The following GMPS variants were observed in gnomAD, a reference collection of about 807,000 sequenced individuals.
GMPS encodes the protein guanosine monophosphate synthase.
Under a neutral mutation model 77.9 loss-of-function variants are expected in GMPS, and 15 were observed. The observed-to-expected ratio is 0.19, with a 90% CI of 0.13 to 0.30. The LOEUF is 0.30. Among genes scored for constraint, GMPS ranks in the 10% least tolerant of loss-of-function variants. The pLI is 1.00. For missense variants in GMPS, 590 were observed against 838.8 expected (o/e 0.70, Z 3.66); for synonymous variants, 224 against 275.9 (o/e 0.81, Z 1.86).
chr3:155,935,764 G>A (rs894355841), intron 14 of GMPS, among the ~76,000 whole-genome samples: 2 of 152,292 alleles, frequency 1.3e-5, no homozygotes, highest in Non-Finnish European at 2.9e-5. Context: ...TTGAAGTGCT[G>A]TCTGGGTTCC....
Position 155,916,108 on chromosome 3 carries a change from T to A in GMPS, c.1128T>A (p.Ser376Arg). ...CTTTACGGCCTGATCTAATTGAAAG[T>A]GCATCCCTTGTTGCAAGTGGCAAAG... is the stretch of plus-strand genomic sequence containing the variant. Reference protein sequence around the residue: ...QGTLRPDLIESASLVASGKAE... With the variant: ...QGTLRPDLIERASLVASGKAE... Residue 376 changes from serine (S) to arginine (R), a missense_variant, in exon 9 of 16, where the codon AGT (serine) becomes AGA (arginine). Transcript: ENST00000496455. 6.2e-7 allele frequency: 1 copy of A among 1,613,038 alleles called. No individual in the cohort carries two copies. The highest frequency in any genetic ancestry group is 8.5e-7 in the Non-Finnish European group (1 of 1,179,012).
rs1281875761 is a variant in GMPS, at chr3:155,870,732, G to T, written c.-139G>T. The stretch of plus-strand genomic sequence containing the variant: ...TTGCTCCATTCGGCGCTTTTCTGGC[G>T]GCTGGCTCCTCTCCGCTGCCGGCTG... On this transcript the variant is annotated 5_prime_UTR_variant, in exon 1 of 16. Coordinates refer to ENST00000496455, the MANE Select transcript of GMPS (RefSeq NM_003875.3). The T allele has an allele frequency of 3.4e-6, 2 of 594,544 alleles. No homozygotes were observed. Among genetic ancestry groups the T allele is most frequent in the Non-Finnish European group, 2.9e-6 (1 of 339,106 alleles). The allele number at this position is 594,544 out of a possible 1,614,324, so 36.8% of individuals were successfully genotyped here.
chr3:155,943,034 C>G lies in GMPS; in HGVS notation c.*5342C>G, dbSNP rs1560058640. On this transcript the variant is annotated 3_prime_UTR_variant, in exon 16 of 16. Transcript: ENST00000496455. ...TCTCTTGAGGTCAGGAGTTTGAGAC[C>G]AGCGTGGCCAACATGGTGAAACCCC... The G allele has an allele frequency of 1.7e-5, 3 of 177,552 alleles. No individual in the cohort carries two copies. The highest frequency in any genetic ancestry group is 3.6e-5 in the Non-Finnish European group (3 of 82,810). 11.0% of individuals were successfully genotyped at this position (177,552 alleles called of 1,614,324 possible). A position where few individuals can be genotyped will look rare whatever the true frequency, so the allele number is the denominator to read the frequency against.
intron 3 of GMPS, among the ~76,000 whole-genome samples, chr3:155,901,385 G>A (rs1227902061): frequency 6.6e-6 from 1 of 151,978 alleles, no homozygotes; most frequent in African/African-American, 2.4e-5. Context: ...AATATAGCAT[G>A]TTACTTTTAC....
rs1755770992 is a variant in GMPS, at chr3:155,936,590, C to T, written c.1980+80C>T. The T allele has an allele frequency of 6.3e-6, 5 of 797,372 alleles. No homozygotes were observed. The South Asian group carries it at 6.9e-5, about 11-fold the overall frequency. 49.4% of individuals were successfully genotyped at this position (797,372 alleles called of 1,614,324 possible). A position where few individuals can be genotyped will look rare whatever the true frequency, so the allele number is the denominator to read the frequency against. ...ATATGGTGAATGGAATAGGCTATGC[C>T]AGTGCTGTATTTCTTATGTTGGTTT... On this transcript the variant is annotated intron_variant, in intron 15 of 15. Coordinates refer to ENST00000496455, the MANE Select transcript of GMPS (RefSeq NM_003875.3).
chr3:155,924,534 C>T (rs918162126), intron 11 of GMPS, among the ~76,000 whole-genome samples: 2 of 151,770 alleles, frequency 1.3e-5, no homozygotes, highest in Admixed American at 6.6e-5. Context: ...ACAACTACTG[C>T]AAGAATAGAA....
At chr3:155,931,723 C>T (rs770011845) in intron 12 of GMPS, 42 bp from the exon 13 acceptor site, 38 of 667,750 alleles carry the variant, frequency 5.7e-5, no homozygotes, top group East Asian at 1.4e-4. Flanking sequence ...ACTGGTGTAT[C>T]TTTTGACTAT....
chr3:155,936,261 C>A, intron 14 of GMPS, 77 bp from the exon 15 acceptor site: 1 of 873,536 alleles, frequency 1.1e-6, no homozygotes, highest in Non-Finnish European at 1.9e-6. Flanking sequence ...CAGATATTGC[C>A]TGGGAGGATT....
At chr3:155,870,571 A>T (rs950389222), upstream of GMPS, 2 of 331,176 alleles carry the variant, frequency 6.0e-6, no homozygotes, top group Admixed American at 1.0e-4. Context: ...TGCGGAGGGT[A>T]TCTGAGGCTC....
intron 1 of GMPS, among the ~76,000 whole-genome samples, chr3:155,893,098 A>G (rs984928124): frequency 4.6e-5 from 7 of 152,226 alleles, no homozygotes; most frequent in East Asian, 1.9e-4. Flanking sequence ...TGTTGTGCCT[A>G]TTGATAGGGT....
At chr3:155,916,401 C>A (rs1194684587) in intron 9 of GMPS, among the ~76,000 whole-genome samples, 2 of 152,184 alleles carry the variant, frequency 1.3e-5, no homozygotes, top group Admixed American at 6.5e-5. Flanking sequence ...GCCCCCACCC[C>A]CCAGCTCCTC....
At chr3:155,933,474 A>C (rs1374374183) in intron 13 of GMPS, among the ~76,000 whole-genome samples, 1 of 152,188 alleles carries the variant, frequency 6.6e-6, no homozygotes, top group African/African-American at 2.4e-5. Flanking sequence ...TTTCTCCTGT[A>C]AAGATCTTTT....
At position 155,937,956 on chromosome 3, in the gene GMPS, A is replaced by G. The variant is rs992937135; in HGVS notation, c.*264A>G. 1 of 357,034 alleles carries G rather than the reference A, an allele frequency of 2.8e-6. No individual in the cohort carries two copies. The highest frequency in any genetic ancestry group is 5.1e-6 in the Non-Finnish European group (1 of 197,588). 22.1% of individuals were successfully genotyped at this position (357,034 alleles called of 1,614,324 possible). ...TTTGCCTTTGCCTCACTTATTCTTT[A>G]TGTATAAATTCACTGTTGATGTCTC... On this transcript the variant is annotated 3_prime_UTR_variant, in exon 16 of 16. Coordinates refer to ENST00000496455, the MANE Select transcript of GMPS (RefSeq NM_003875.3).
intron 1 of GMPS, among the ~76,000 whole-genome samples, chr3:155,874,365 A>G (rs968845638): frequency 2.0e-5 from 3 of 152,188 alleles, no homozygotes; most frequent in Admixed American, 6.5e-5. Context: ...ATTGCATGTG[A>G]TACAGAATCT....
chr3:155,893,106 G>T (rs1316156243), intron 1 of GMPS, among the ~76,000 whole-genome samples: 1 of 152,122 alleles, frequency 6.6e-6, no homozygotes, highest in African/African-American at 2.4e-5. Flanking sequence ...CTATTGATAG[G>T]GTGACCGAAT....
rs376309353 is a variant in GMPS at position 155,886,431 on chromosome 3, C to T, written c.28-7087C>T. 5.2e-4 allele frequency among the ~76,000 whole-genome samples: 79 copies of T among 151,114 alleles called. 4 individuals carry two copies. Among genetic ancestry groups the T allele is most frequent in the African/African-American group, 1.8e-3 (76 of 41,202 alleles). On this transcript the variant is annotated intron_variant, in intron 1 of 15. Transcript: ENST00000496455. ...TCTACTAAAAATATGAAAAATTAGC[C>T]GGGCGTGGTGGCAGGTGCCTGTAAT... is the stretch of plus-strand genomic sequence containing the variant.
intron 14 of GMPS, among the ~76,000 whole-genome samples, chr3:155,935,970 C>T (rs1448853362): frequency 1.3e-5 from 2 of 152,074 alleles, no homozygotes; most frequent in African/African-American, 4.8e-5. Context: ...AATATTACAA[C>T]CAGAGGCTTG....
At chr3:155,915,928 A>T in intron 8 of GMPS, 91 bp from the exon 9 acceptor site, 1 of 762,838 alleles carries the variant, frequency 1.3e-6, no homozygotes, top group Non-Finnish European at 2.1e-6. Context: ...AGTATTTCTA[A>T]AGGACTCTAA....
chr3:155,932,011 C>T, intron 13 of GMPS, 131 bp downstream of exon 13: 1 of 465,598 alleles, frequency 2.1e-6, no homozygotes, highest in Non-Finnish European at 3.9e-6. Flanking sequence ...GAGTAAATGG[C>T]TGTGTTTGTA....
Sources: allele counts gnomAD v4.1 joint callset (sites outside exome capture counted in the v4.1 genomes callset), GRCh38; gene constraint gnomAD v4.1.1; transcripts MANE v1.5; gene names NCBI Gene and HGNC (gene_info 2026-07-23, HGNC 2026-07-21).